LRRC8C: variants seen among roughly 807,000 people sequenced by gnomAD.
The protein encoded by LRRC8C is leucine rich repeat containing 8 VRAC subunit C.
Under a neutral mutation model 55.3 loss-of-function variants are expected in LRRC8C, and 20 were observed. The observed-to-expected ratio is 0.36, with a 90% CI of 0.25 to 0.53. LRRC8C has a LOEUF of 0.53. LRRC8C is among the 20% of genes least tolerant of loss of function. LRRC8C has a pLI of 0.92. For synonymous variants in LRRC8C, 376 were observed against 360.7 expected (o/e 1.04, Z -0.48); for missense variants, 659 against 951.4 (o/e 0.69, Z 4.04).
At position 89,643,850 on chromosome 1, in the gene LRRC8C, C is replaced by T. The variant is rs372467043; in HGVS notation, c.-5+10528C>T. Among the ~76,000 whole-genome samples, 66 of 152,236 alleles carry T rather than the reference C, an allele frequency of 4.3e-4. No individual in the cohort carries two copies. In the East Asian group the frequency reaches 6.6e-3, roughly 15 times the overall value. On this transcript the variant is annotated intron_variant, in intron 1 of 2. Transcript: ENST00000370454. Reference sequence around the variant, plus strand: ...AATATAGTCCCTCACCCTCTAAAACCGGGCTTCTGACATACACGGTACTAT... The same window carrying T: ...AATATAGTCCCTCACCCTCTAAAACTGGGCTTCTGACATACACGGTACTAT...
chr1:89,694,488 T>C (rs1658110216), intron 2 of LRRC8C, among the ~76,000 whole-genome samples: 2 of 152,024 alleles, frequency 1.3e-5, no homozygotes, highest in African/African-American at 2.4e-5. Flanking sequence ...CTCACTCTGT[T>C]GCGCAGGCTG....
rs549826802 is a variant in LRRC8C at position 89,671,881 on chromosome 1, C to T, written c.-4-14589C>T. On this transcript the variant is annotated intron_variant, in intron 1 of 2. Transcript: ENST00000370454. Reference sequence around the variant, plus strand: ...AGCATGGGTAGATTTTCACACATACCGTACAAAACAACTTTTGGTGAATGA... The same window carrying T: ...AGCATGGGTAGATTTTCACACATACTGTACAAAACAACTTTTGGTGAATGA... Among the ~76,000 whole-genome samples the T allele has an allele frequency of 2.0e-5, 3 of 152,218 alleles. No homozygotes were observed. The East Asian group carries it at 5.8e-4, about 29-fold the overall frequency.
At chr1:89,652,027 G>T (rs4658307) in intron 1 of LRRC8C, among the ~76,000 whole-genome samples, 77,899 of 151,896 alleles carry the variant, frequency 0.51, 20,773 homozygotes, top group East Asian at 0.79. Flanking sequence ...ACACAAACAG[G>T]TTTGGGACTA....
chr1:89,661,299 C>A, intron 1 of LRRC8C: 1 of 341,446 alleles, frequency 2.9e-6, no homozygotes, highest in African/African-American at 2.2e-5. Context: ...CAGTTTGTTC[C>A]AGGGCTCTGG....
chr1:89,621,099 G>A, the LRRC8C span, among the ~76,000 whole-genome samples: 1 of 152,092 alleles, frequency 6.6e-6, no homozygotes, highest in African/African-American at 2.4e-5. Context: ...AGGCTAGGCA[G>A]CAATCTATAA....
chr1:89,690,759 GTC>G (rs1658005901), intron 2 of LRRC8C, among the ~76,000 whole-genome samples: 3 of 152,020 alleles, frequency 2.0e-5, no homozygotes, highest in Admixed American at 2.0e-4. Flanking sequence ...GCCCCACAGT[GTC>G]TCTCTACAGT....
At position 89,666,040 on chromosome 1, in the gene LRRC8C, G is replaced by A. The variant is rs150924101; in HGVS notation, c.-4-20430G>A. ...ACCCTATAGCCAAAGTGCGTAGTAG[G>A]CTATACCGTCTAGGATTGTATAAGT... On this transcript the variant is annotated intron_variant, in intron 1 of 2. Transcript: ENST00000370454. Among the ~76,000 whole-genome samples, 210 of 152,208 alleles carry A rather than the reference G, an allele frequency of 1.4e-3. 2 individuals carry two copies. In the East Asian group the frequency reaches 0.029, roughly 21 times the overall value.
chr1:89,621,892 C>T, the LRRC8C span, among the ~76,000 whole-genome samples: 48 of 152,280 alleles, frequency 3.2e-4, no homozygotes, highest in African/African-American at 1.1e-3. Flanking sequence ...TAGAATGTCT[C>T]CCTACTCAAA....
chr1:89,659,771 G>A (rs949652301), intron 1 of LRRC8C, among the ~76,000 whole-genome samples: 1 of 152,138 alleles, frequency 6.6e-6, no homozygotes, highest in Admixed American at 6.5e-5. Flanking sequence ...TGTTTTGAGA[G>A]GTAAATCATT....
At chr1:89,654,286 A>G (rs1656876020) in intron 1 of LRRC8C, among the ~76,000 whole-genome samples, 1 of 152,206 alleles carries the variant, frequency 6.6e-6, no homozygotes, top group African/African-American at 2.4e-5. Flanking sequence ...GGAGGCAGCT[A>G]AGGGATGAGA....
chr1:89,668,452 G>C (rs758371525), intron 1 of LRRC8C: 1 of 152,172 alleles, frequency 6.6e-6, no homozygotes, highest in Non-Finnish European at 1.5e-5. Flanking sequence ...CTTCTAAAAA[G>C]ATCATTCCTC....
chr1:89,685,089 GTCTA>G (rs1439443340), intron 1 of LRRC8C, among the ~76,000 whole-genome samples: 1 of 134,156 alleles, frequency 7.5e-6, no homozygotes, highest in Non-Finnish European at 1.6e-5. Flanking sequence ...GATGTTTATT[GTCTA>G]TCTAGTTCTT....
intron 1 of LRRC8C, among the ~76,000 whole-genome samples, chr1:89,646,181 C>T (rs751502444): frequency 6.6e-6 from 1 of 151,778 alleles, no homozygotes; most frequent in African/African-American, 2.4e-5. Flanking sequence ...ACTTTGAAAA[C>T]ATTAATGAAT....
intron 1 of LRRC8C, among the ~76,000 whole-genome samples, chr1:89,657,369 T>C (rs1656974054): frequency 6.6e-6 from 1 of 152,166 alleles, no homozygotes; most frequent in Non-Finnish European, 1.5e-5. Context: ...GTATCCTAAA[T>C]AGCAACATAT....
Position 89,714,311 on chromosome 1 carries a change from A to C in LRRC8C, c.1741A>C (p.Met581Leu), listed in dbSNP as rs1248991731. 1 of 1,614,192 alleles carries C rather than the reference A, an allele frequency of 6.2e-7. No individual in the cohort carries two copies. Among genetic ancestry groups the C allele is most frequent in the South Asian group, 1.1e-5 (1 of 91,088 alleles). ...ACATAATGATGGCACCAAGCTGGTG[A>C]TGCTCAACAACTTAAAGAAGATGAC... ...CIHNDGTKLV[M>L]LNNLKKMTNL... The change falls in exon 3 of 3, where the codon ATG becomes CTG. Residue 581 changes from methionine (M) to leucine (L), a missense_variant. Physicochemically the swap from Met to Leu is conservative, Grantham distance 15. Coordinates refer to ENST00000370454, the MANE Select transcript of LRRC8C (RefSeq NM_032270.5). This position sits in a 1 kb window ranked among gnomAD's most constrained non-coding sequence, Gnocchi z 4.6.
At chr1:89,700,647 A>G (rs1034769172) in intron 2 of LRRC8C, among the ~76,000 whole-genome samples, 1 of 152,228 alleles carries the variant, frequency 6.6e-6, no homozygotes, top group Admixed American at 6.5e-5. Context: ...TCTTAGGTCA[A>G]CAGGGAAAAC....
At chr1:89,631,388 A>G (rs1231830143), upstream of LRRC8C, among the ~76,000 whole-genome samples, 3 of 152,168 alleles carry the variant, frequency 2.0e-5, no homozygotes, top group South Asian at 2.1e-4. Context: ...GGAGCATTTC[A>G]GGGATGCCTA....
At chr1:89,627,861 C>A in the LRRC8C span, among the ~76,000 whole-genome samples, 2 of 152,290 alleles carry the variant, frequency 1.3e-5, no homozygotes. Flanking sequence ...CATTGAGCAT[C>A]CCAAATCTGA....
At chr1:89,686,690 G>A (rs1657892604) in intron 2 of LRRC8C, 79 bp downstream of exon 2, 1 of 1,515,926 alleles carries the variant, frequency 6.6e-7, no homozygotes, top group South Asian at 1.2e-5. Flanking sequence ...AGCTGGCTGT[G>A]TGATTTTTAA....
Sources: gnomAD v4.1 joint callset for allele counts (sites outside exome capture counted in the v4.1 genomes callset) on GRCh38, gnomAD v4.1.1 for gene constraint, Gnocchi (gnomAD v3.1) non-coding constraint, MANE v1.5 for transcripts, NCBI Gene and HGNC (gene_info 2026-07-23, HGNC 2026-07-21) for gene names.